Variants in FCHSD1 observed in about 807,000 individuals in gnomAD.
FCHSD1 encodes F-BAR and double SH3 domains protein 1.
A neutral mutation model predicts 101.3 loss-of-function variants in FCHSD1; 109 were observed. That is an observed-to-expected ratio of 1.08 (90% confidence interval 0.92 to 1.26). FCHSD1 has a LOEUF of 1.26. Ranked by LOEUF, FCHSD1 falls within the 50% of genes most tolerant of loss-of-function variation. FCHSD1 has a pLI of 0.00. For missense variants in FCHSD1, 820 were observed against 895.8 expected, an observed-to-expected ratio of 0.92 and a Z score of 1.08; for synonymous variants, 291 against 356.8, an observed-to-expected ratio of 0.82 and a Z score of 2.08.
Position 141,651,287 on chromosome 5 carries a change from C to T in FCHSD1, c.21+61G>A, listed in dbSNP as rs569638806. ...CCCGTCTCCTACCACAAGTCGGATGCCCCCTTAGCTCCCTCCGTTCCCCCA... is the reference window on the plus strand; with the variant it reads ...CCCGTCTCCTACCACAAGTCGGATGTCCCCTTAGCTCCCTCCGTTCCCCCA... On this transcript the variant is annotated intron_variant, in intron 1 of 19. Transcript: ENST00000435817. 265 of 1,550,162 alleles carry T rather than the reference C, an allele frequency of 1.7e-4. 3 individuals are homozygous for T. The East Asian group carries it at 6.3e-3, about 37-fold the overall frequency.
chr5:141,642,575 A>G, intron 18 of FCHSD1: 2 of 553,944 alleles, frequency 3.6e-6, no homozygotes, highest in East Asian at 6.4e-5. Context: ...AGAAAAAATA[A>G]TGATACAAAG....
At position 141,645,076 on chromosome 5, in the gene FCHSD1, G is replaced by T; in HGVS notation, c.1384C>A (p.Gln462Lys). Reference sequence around the variant, plus strand: ...GGGAGGGCCCTCGTGGCCAGGGCTTGGGGGGCAGGCTCCTCAAAGAGCTCT... The same window carrying T: ...GGGAGGGCCCTCGTGGCCAGGGCTTTGGGGGCAGGCTCCTCAAAGAGCTCT... ...TGELFEEPAP[Q>K]ALATRALPCP... The change falls in exon 14 of 20, where the codon CAA becomes AAA. Residue 462 changes from glutamine to lysine, a missense_variant. Physicochemically the swap from Gln to Lys is moderately conservative, Grantham distance 53. Coordinates refer to ENST00000435817, the MANE Select transcript of FCHSD1 (RefSeq NM_033449.3). The T allele has an allele frequency of 1.9e-6, 3 of 1,591,102 alleles. No individual in the cohort carries two copies. The highest frequency in any genetic ancestry group is 2.7e-5 in the African/African-American group (2 of 74,582).
rs761387404 is a variant in FCHSD1, at chr5:141,647,384, G to A, written c.828+14C>T. 1.9e-6 allele frequency: 3 copies of A among 1,585,580 alleles called. No individual in the cohort carries two copies. Among genetic ancestry groups the A allele is most frequent in the East Asian group, 2.3e-5 (1 of 44,338 alleles). On this transcript the variant is annotated intron_variant, in intron 9 of 19. Coordinates refer to ENST00000435817, the MANE Select transcript of FCHSD1 (RefSeq NM_033449.3). Reference sequence around the variant, plus strand: ...AGGATCCCCGGGGAAGCTCTTAGAGGCCACAGCCCTCACCTGGGAGGTTGT... The same window carrying A: ...AGGATCCCCGGGGAAGCTCTTAGAGACCACAGCCCTCACCTGGGAGGTTGT...
In FCHSD1 at chr5:141,640,008, G is replaced by A. The variant is rs1485328630; in HGVS notation, c.*1490C>T. On this transcript the variant is annotated 3_prime_UTR_variant, in exon 20 of 20. Coordinates refer to ENST00000435817, the MANE Select transcript of FCHSD1 (RefSeq NM_033449.3). ...AGACAGGAGCTGGGGCTCTGGTGGG[G>A]GACAGGACCCAGGGGGTGGTCAGGG... The A allele has an allele frequency of 6.2e-7, 1 of 1,613,530 alleles. No individual in the cohort carries two copies. The highest frequency in any genetic ancestry group is 2.2e-5 in the East Asian group (1 of 44,882).
chr5:141,647,386 C>T lies in FCHSD1; in HGVS notation c.828+12G>A, dbSNP rs1258726139. On this transcript the variant is annotated intron_variant, in intron 9 of 19. Transcript: ENST00000435817. ...GATCCCCGGGGAAGCTCTTAGAGGCCACAGCCCTCACCTGGGAGGTTGTCT... is the reference window on the plus strand; with the variant it reads ...GATCCCCGGGGAAGCTCTTAGAGGCTACAGCCCTCACCTGGGAGGTTGTCT... 4 of 1,588,546 alleles carry T rather than the reference C, an allele frequency of 2.5e-6. No homozygotes were observed. Among genetic ancestry groups the T allele is most frequent in the East Asian group, 4.5e-5 (2 of 44,402 alleles).
At position 141,647,992 on chromosome 5, in the gene FCHSD1, C is replaced by T; in HGVS notation, c.681G>A (p.Gln227=). ...ATNAHLDHYY[Q]EELPALLKAL... ...CCTTGAGCAGAGCTGGCAGTTCCTC[C>T]TGGTAGTAATGGTCGAGGTGGGCAT... The change falls in exon 8 of 20, where the codon CAG becomes CAA. Residue 227 remains glutamine, a synonymous_variant. Transcript: ENST00000435817. The T allele has an allele frequency of 6.2e-7, 1 of 1,613,344 alleles. No individual in the cohort carries two copies. The highest frequency in any genetic ancestry group is 8.5e-7 in the Non-Finnish European group (1 of 1,179,642).
Position 141,644,952 on chromosome 5 carries a change from A to G in FCHSD1, c.1441-10T>C. 6.8e-6 allele frequency: 11 copies of G among 1,613,894 alleles called. No homozygotes were observed. Among genetic ancestry groups the G allele is most frequent in the Non-Finnish European group, 9.3e-6 (11 of 1,179,850 alleles). ...CATCCTCACGCCCTGCCTGGGCCACACACGAAGGATTCAGGACTTGGCTGT... is the reference window on the plus strand; with the variant it reads ...CATCCTCACGCCCTGCCTGGGCCACGCACGAAGGATTCAGGACTTGGCTGT... On this transcript the variant is annotated splice_polypyrimidine_tract_variant and intron_variant, in intron 14 of 19. Coordinates refer to ENST00000435817, the MANE Select transcript of FCHSD1 (RefSeq NM_033449.3).
chr5:141,650,971 G>T (rs1407953561), intron 2 of FCHSD1, 49 bp downstream of exon 2: 1 of 1,503,622 alleles, frequency 6.7e-7, no homozygotes, highest in East Asian at 2.4e-5. Context: ...GGGAGAAGTG[G>T]CGCACAACGA....
At chr5:141,644,827 C>T in intron 15 of FCHSD1, 32 bp downstream of exon 15, 1 of 1,610,828 alleles carries the variant, frequency 6.2e-7, no homozygotes, top group East Asian at 2.2e-5. Context: ...CTGCCCCCAA[C>T]CCAAGGTCAG....
rs1481403645 is a variant in FCHSD1, at chr5:141,651,030, C to A, written c.109G>T (p.Glu37Ter). The change falls in exon 2 of 20, where the codon GAG (glutamate) becomes TAG (stop). Residue 37 changes from glutamate (E) to a stop codon, truncating the protein, a stop_gained. Coordinates refer to ENST00000435817, the MANE Select transcript of FCHSD1 (RefSeq NM_033449.3). LOFTEE classifies it high-confidence loss of function. ...GGTTGGGGGAGCTACCTGATGTCCT[C>A]CAGCAGATCCGCCTCCCTCTGCTGC... ...TWQQREADLL[E>*]DIRSYSKQRA... 4 of 1,590,074 alleles carry A rather than the reference C, an allele frequency of 2.5e-6. No homozygotes were observed. The Admixed American group carries it at 5.3e-5, about 21-fold the overall frequency.
In FCHSD1 at chr5:141,648,935, C is replaced by T. The variant is rs536334100; in HGVS notation, c.576+22G>A. 606 of 1,613,826 alleles carry T rather than the reference C, an allele frequency of 3.8e-4. 6 individuals carry two copies. The South Asian group carries it at 6.4e-3, about 17-fold the overall frequency. ...TCTGCCTCCCTCTTCCCTGCCCCCA[C>T]TCATGCCCTCATCCCTCGAACCTTG... On this transcript the variant is annotated intron_variant, in intron 7 of 19. Coordinates refer to ENST00000435817, the MANE Select transcript of FCHSD1 (RefSeq NM_033449.3).
chr5:141,639,816 C>G lies in FCHSD1; in HGVS notation c.*1682G>C, dbSNP rs1209790052. 7.3e-7 allele frequency: 1 copy of G among 1,371,876 alleles called. No homozygotes were observed. The highest frequency in any genetic ancestry group is 1.0e-6 in the Non-Finnish European group (1 of 974,820). 85.0% of individuals were successfully genotyped at this position (1,371,876 alleles called of 1,614,324 possible). A position where few individuals can be genotyped will look rare whatever the true frequency, so the allele number is the denominator to read the frequency against. On this transcript the variant is annotated 3_prime_UTR_variant, in exon 20 of 20. Transcript: ENST00000435817. This position sits in a 1 kb window ranked among gnomAD's most constrained non-coding sequence, Gnocchi z 4.4. The stretch of plus-strand genomic sequence containing the variant: ...CTGAGAAGGCCTCCCCTACCTTAGG[C>G]CAGAGGGAAGTAGCCACCAAACTCA...
intron 11 of FCHSD1, 21 bp downstream of exon 11, chr5:141,646,582 A>G (rs1216682267): frequency 5.0e-6 from 8 of 1,604,006 alleles, no homozygotes; most frequent in Non-Finnish European, 6.0e-6. Flanking sequence ...TGCACATGAC[A>G]CCTGTGCCCC....
intron 2 of FCHSD1, 135 bp downstream of exon 2, chr5:141,650,885 C>G: frequency 1.2e-6 from 1 of 806,660 alleles, no homozygotes; most frequent in East Asian, 2.7e-5. Flanking sequence ...AGAGGCCAGG[C>G]CTAGGGTGAG....
intron 18 of FCHSD1, chr5:141,642,700 A>G (rs957305283): frequency 1.3e-5 from 7 of 552,276 alleles, no homozygotes; most frequent in African/African-American, 2.0e-5. Flanking sequence ...GCCAGGCACA[A>G]TGCTGTGTAG....
rs1405187626 is a variant in FCHSD1 at position 141,649,327 on chromosome 5, A to G, written c.376-19T>C. The G allele has an allele frequency of 1.2e-6, 2 of 1,613,898 alleles. No homozygotes were observed. The highest frequency in any genetic ancestry group is 3.3e-5 in the Admixed American group (2 of 60,020). On this transcript the variant is annotated intron_variant, in intron 5 of 19. Transcript: ENST00000435817. This position sits in a 1 kb window ranked among gnomAD's most constrained non-coding sequence, Gnocchi z 4.1. The stretch of plus-strand genomic sequence containing the variant: ...CTGTTCCCTATTGGGATGCATACAC[A>G]AAGTCCTTACCTAGACCACCTTTGG...
rs1207502018 is a variant in FCHSD1, at chr5:141,647,997, A to G, written c.676T>C (p.Tyr226His). ...VATNAHLDHY[Y>H]QEELPALLKA... ...AGCAGAGCTGGCAGTTCCTCCTGGT[A>G]GTAATGGTCGAGGTGGGCATTGGTA... is the stretch of plus-strand genomic sequence containing the variant. Residue 226 changes from tyrosine (Y) to histidine (H), a missense_variant, in exon 8 of 20, where the codon TAC becomes CAC. Tyr to His is a moderately conservative substitution (Grantham distance 83). Coordinates refer to ENST00000435817, the MANE Select transcript of FCHSD1 (RefSeq NM_033449.3). The G allele has an allele frequency of 6.2e-7, 1 of 1,613,292 alleles. No individual in the cohort carries two copies. Among genetic ancestry groups the G allele is most frequent in the Middle Eastern group, 1.7e-4 (1 of 6,060 alleles).
chr5:141,647,605 G>A (rs1157311063), intron 8 of FCHSD1, 85 bp from the exon 9 acceptor site: 2 of 1,577,140 alleles, frequency 1.3e-6, no homozygotes, highest in Non-Finnish European at 1.7e-6. Context: ...GACAGGTGAT[G>A]GGCATGAGGT....
intron 3 of FCHSD1, 100 bp from the exon 4 acceptor site, chr5:141,650,054 A>G: frequency 1.6e-6 from 2 of 1,254,494 alleles, no homozygotes; most frequent in South Asian, 1.5e-5. Flanking sequence ...CTTTGGGTAC[A>G]TTATGTGCCA....
Sources: allele counts gnomAD v4.1 joint callset, GRCh38; gene constraint gnomAD v4.1.1; non-coding constraint Gnocchi (gnomAD v3.1); transcripts MANE v1.5; gene names NCBI Gene and HGNC (gene_info 2026-07-23, HGNC 2026-07-21).